PGS1: variants seen among roughly 807,000 people sequenced by gnomAD.
The protein encoded by PGS1 is CDP-diacylglycerol--glycerol-3-phosphate 3-phosphatidyltransferase, mitochondrial.
In PGS1, 44 loss-of-function variants were observed where a neutral mutation model predicts 58.3. The observed-to-expected ratio is 0.75, with a 90% confidence interval of 0.59 to 0.97. The LOEUF (loss-of-function observed/expected upper bound fraction) is 0.97, where lower values mean the gene tolerates loss of function less well. Among genes scored for constraint, PGS1 ranks in the 50% least tolerant of loss-of-function variants. The pLI, the probability that PGS1 is intolerant of heterozygous loss-of-function variation, is 0.00. For missense variants in PGS1, 684 were observed against 731.1 expected (o/e 0.94, Z 0.74); for synonymous variants, 330 against 311.0 (o/e 1.06, Z -0.64).
intron 6 of PGS1, among the ~76,000 whole-genome samples, chr17:78,401,885 T>C (rs2083696226): frequency 6.6e-6 from 1 of 152,046 alleles, no homozygotes. Context: ...TTAAAGAAAA[T>C]GTGTGTGGAT....
chr17:78,409,112 C>T (rs1453117830), intron 7 of PGS1, among the ~76,000 whole-genome samples: 1 of 152,242 alleles, frequency 6.6e-6, no homozygotes, highest in Non-Finnish European at 1.5e-5. Flanking sequence ...CTTCATCTTT[C>T]TGCTCCATGG....
intron 1 of PGS1, among the ~76,000 whole-genome samples, chr17:78,379,679 T>A (rs1175013678): frequency 6.6e-6 from 1 of 151,732 alleles, no homozygotes; most frequent in Non-Finnish European, 1.5e-5. Context: ...CAAAATTAGC[T>A]GGGCATGGTG....
In PGS1 at chr17:78,378,744, C is replaced by T. The variant is rs1300926353; in HGVS notation, c.79C>T (p.Leu27=). Residue 27 remains leucine (L), a synonymous_variant, in exon 1 of 10, where the codon CTG becomes TTG. Transcript: ENST00000262764. Reference sequence around the variant, plus strand: ...GGGCCTCCTGCCTGGCCGCCCAGGGCTGGCCGCGCTCCTGGGACGCCTGTC... The same window carrying T: ...GGGCCTCCTGCCTGGCCGCCCAGGGTTGGCCGCGCTCCTGGGACGCCTGTC... ...LLGLLPGRPG[L]AALLGRLSDR... 4 of 1,507,208 alleles carry T rather than the reference C, an allele frequency of 2.7e-6. No homozygotes were observed. The highest frequency in any genetic ancestry group is 3.5e-6 in the Non-Finnish European group (4 of 1,134,564). 93.4% of individuals were successfully genotyped at this position (1,507,208 alleles called of 1,614,324 possible).
At chr17:78,419,348 T>C (rs1273291286) in intron 8 of PGS1, among the ~76,000 whole-genome samples, 198 bp from the exon 9 acceptor site, 1 of 152,234 alleles carries the variant, frequency 6.6e-6, no homozygotes, top group East Asian at 1.9e-4. Context: ...TTAGCTTTTC[T>C]AAGGAATGTT....
At position 78,400,753 on chromosome 17, in the gene PGS1, G is replaced by A. The variant is rs968746524; in HGVS notation, c.778G>A (p.Asp260Asn). ...CCTGCAGGACTGTGCGGAGATTGCCGACTTCTTCACGGAGCTGGTGGACGC... is the reference window on the plus strand; with the variant it reads ...CCTGCAGGACTGTGCGGAGATTGCCAACTTCTTCACGGAGCTGGTGGACGC... ...VFLQDCAEIADFFTELVDAVG... is the reference protein window; with the variant it reads ...VFLQDCAEIANFFTELVDAVG... The change falls in exon 6 of 10, where the codon GAC becomes AAC. Residue 260 changes from aspartate to asparagine, a missense_variant. Coordinates refer to ENST00000262764, the MANE Select transcript of PGS1 (RefSeq NM_024419.5). The surrounding 1 kb of genome is among the most constrained non-coding windows in gnomAD (Gnocchi z 4.4). 2 of 1,613,848 alleles carry A rather than the reference G, an allele frequency of 1.2e-6. No homozygotes were observed. The highest frequency in any genetic ancestry group is 1.1e-5 in the South Asian group (1 of 91,082).
At chr17:78,410,863 A>G (rs1013422270) in intron 7 of PGS1, among the ~76,000 whole-genome samples, 5 of 152,104 alleles carry the variant, frequency 3.3e-5, no homozygotes, top group African/African-American at 1.2e-4. Flanking sequence ...ATATCTAACA[A>G]ATACCAGCTG....
intron 2 of PGS1, among the ~76,000 whole-genome samples, chr17:78,395,659 T>C (rs531827108): frequency 1.3e-5 from 2 of 152,338 alleles, no homozygotes; most frequent in Non-Finnish European, 2.9e-5. Context: ...GTTCTGCTCA[T>C]GTGTCTATAT....
chr17:78,389,012 C>T (rs927756000), intron 1 of PGS1, among the ~76,000 whole-genome samples: 7 of 147,822 alleles, frequency 4.7e-5, no homozygotes, highest in African/African-American at 1.8e-4. Context: ...AACTTGCCCT[C>T]TCCTGGGTTG....
chr17:78,422,601 G>A (rs963461989), intron 9 of PGS1, among the ~76,000 whole-genome samples: 2 of 130,476 alleles, frequency 1.5e-5, no homozygotes, highest in African/African-American at 5.5e-5. Context: ...GGGCTCAAGC[G>A]ACCCTCCTGC....
At chr17:78,393,387 A>AT (rs2082979824) in intron 2 of PGS1, among the ~76,000 whole-genome samples, 1 of 152,126 alleles carries the variant, frequency 6.6e-6, no homozygotes, top group Non-Finnish European at 1.5e-5. Context: ...GGGCGCACTG[A>AT]TTCCTTTTCC....
At chr17:78,408,044 G>A (rs142249826) in intron 7 of PGS1, among the ~76,000 whole-genome samples, 157 of 152,316 alleles carry the variant, frequency 1.0e-3, no homozygotes, top group African/African-American at 3.7e-3. Context: ...TTTGCCGATC[G>A]TTCAACAGCC....
chr17:78,403,477 A>G, intron 6 of PGS1, 91 bp from the exon 7 acceptor site: 3 of 1,327,302 alleles, frequency 2.3e-6, no homozygotes, highest in Non-Finnish European at 3.2e-6. Flanking sequence ...TAGCGTCTGC[A>G]CTTGCCTATC....
chr17:78,422,697 G>A (rs1426833030), intron 9 of PGS1, among the ~76,000 whole-genome samples: 1 of 152,072 alleles, frequency 6.6e-6, no homozygotes, highest in Non-Finnish European at 1.5e-5. Context: ...AGATGGTTTT[G>A]CCACGTTGCC....
intron 7 of PGS1, among the ~76,000 whole-genome samples, chr17:78,410,321 C>CAGG (rs71160292): frequency 0.22 from 32,626 of 150,512 alleles, 3,746 homozygotes; most frequent in South Asian, 0.27. Flanking sequence ...CTCAGCTACT[C>CAGG]AGGAGGCTGA....
intron 9 of PGS1, 91 bp from the exon 10 acceptor site, chr17:78,423,970 A>AAGTTAAAGGTCCAGACATAG: frequency 6.2e-7 from 1 of 1,614,002 alleles, no homozygotes; most frequent in Non-Finnish European, 8.5e-7. Flanking sequence ...TTTGGTCTTC[A>AAGTTAAAGGTCCAGACATAG]AGTTAAAGGT....
At chr17:78,402,027 C>G (rs1195812136) in intron 6 of PGS1, among the ~76,000 whole-genome samples, 1 of 107,086 alleles carries the variant, frequency 9.3e-6, no homozygotes, top group Admixed American at 1.0e-4. Flanking sequence ...AGAATGAGTC[C>G]ACAGAGAGGC....
At chr17:78,423,109 A>AG (rs1340063410) in intron 9 of PGS1, among the ~76,000 whole-genome samples, 15 of 145,184 alleles carry the variant, frequency 1.0e-4, no homozygotes, top group Admixed American at 1.0e-3. Flanking sequence ...TCCCTCGAAA[A>AG]AAAAAAAAAA....
chr17:78,423,008 A>AT (rs2086034542), intron 9 of PGS1, among the ~76,000 whole-genome samples: 1 of 151,642 alleles, frequency 6.6e-6, no homozygotes, highest in African/African-American at 2.4e-5. Context: ...AGGCAGGAGA[A>AT]TCGCTTGAGC....
rs576100570 is a variant in PGS1 at position 78,400,923 on chromosome 17, A to G, written c.880+68A>G. The G allele has an allele frequency of 6.9e-5, 93 of 1,349,414 alleles. No individual in the cohort carries two copies. The African/African-American group carries it at 6.9e-4, about 10-fold the overall frequency. The allele number at this position is 1,349,414 out of a possible 1,614,324, so 83.6% of individuals were successfully genotyped here. On this transcript the variant is annotated intron_variant, in intron 6 of 9. Transcript: ENST00000262764. The surrounding 1 kb of genome is among the most constrained non-coding windows in gnomAD (Gnocchi z 4.4). ...TGGAGTGAGGGCCCGGGAGAGCACA[A>G]CTCTAGGTGGTTCTGCCACAGGCAT...
Sources: gnomAD v4.1 joint callset for allele counts (sites outside exome capture counted in the v4.1 genomes callset) on GRCh38, gnomAD v4.1.1 for gene constraint, Gnocchi (gnomAD v3.1) non-coding constraint, MANE v1.5 for transcripts, NCBI Gene and HGNC (gene_info 2026-07-23, HGNC 2026-07-21) for gene names.